The following RGL1 variants were observed in gnomAD, a reference collection of about 807,000 sequenced individuals.
RGL1 encodes the protein ral guanine nucleotide dissociation stimulator like 1, also known as ral guanine nucleotide dissociation stimulator-like 1.
Under a neutral mutation model 95.2 loss-of-function variants are expected in RGL1, and 24 were observed. The observed-to-expected ratio is 0.25, with a 90% CI of 0.18 to 0.35. The LOEUF (loss-of-function observed/expected upper bound fraction) is 0.35, where lower values mean the gene tolerates loss of function less well. RGL1 is among the 10% of genes least tolerant of loss of function. The pLI, the probability that RGL1 is intolerant of heterozygous loss-of-function variation, is 1.00. For missense variants in RGL1, 715 were observed against 936.3 expected (o/e 0.76, Z 3.08); for synonymous variants, 329 against 344.9 (o/e 0.95, Z 0.51).
chr1:183,677,679 C>T (rs1652924000), intron 1 of RGL1, among the ~76,000 whole-genome samples: 1 of 152,108 alleles, frequency 6.6e-6, no homozygotes, highest in African/African-American at 2.4e-5. Context: ...ATGTATTGAA[C>T]CTTTATTATG....
chr1:183,636,265 G>A (rs1045552286), exon 1 of RGL1: 5 of 398,780 alleles, frequency 1.3e-5, no homozygotes, highest in Non-Finnish European at 2.2e-5. Context: ...CAGTTGGTAG[G>A]AGTATGAGGC....
intron 1 of RGL1, among the ~76,000 whole-genome samples, chr1:183,711,571 G>C (rs759613003): frequency 1.7e-4 from 26 of 152,144 alleles, no homozygotes; most frequent in Non-Finnish European, 3.2e-4. Context: ...AGGTTGAATG[G>C]GGTACAAAGG....
intron 4 of RGL1, among the ~76,000 whole-genome samples, chr1:183,870,537 C>T (rs1005268233): frequency 1.1e-4 from 16 of 152,138 alleles, no homozygotes; most frequent in Non-Finnish European, 5.9e-5. Context: ...CTTCTGCTAT[C>T]TTGCTGACGC....
chr1:183,771,137 GC>G (rs1659251682), intron 2 of RGL1, among the ~76,000 whole-genome samples: 1 of 152,182 alleles, frequency 6.6e-6, no homozygotes, highest in Admixed American at 6.5e-5. Context: ...TTTCTAGAGT[GC>G]TTGGTCCTGT....
chr1:183,682,183 G>T (rs541366299), intron 1 of RGL1, among the ~76,000 whole-genome samples: 58 of 151,958 alleles, frequency 3.8e-4, no homozygotes, highest in African/African-American at 1.4e-3. Context: ...TTCTGCTCTG[G>T]TCTTAGTTAT....
chr1:183,817,489 C>G (rs1333217693), intron 2 of RGL1, among the ~76,000 whole-genome samples: 8 of 152,074 alleles, frequency 5.3e-5, no homozygotes, highest in Non-Finnish European at 2.9e-5. Context: ...AAAATAGATT[C>G]CAGGGTCTTT....
chr1:183,842,328 G>A (rs1046427701), intron 2 of RGL1, among the ~76,000 whole-genome samples: 2 of 86,182 alleles, frequency 2.3e-5, no homozygotes, highest in Non-Finnish European at 5.2e-5. Flanking sequence ...TTTGATTGAA[G>A]GGACTTTTTT....
Position 183,926,538 on chromosome 1 carries a change from C to T in RGL1, c.*246C>T. The T allele has an allele frequency of 3.3e-6, 1 of 307,582 alleles. No homozygotes were observed. The highest frequency in any genetic ancestry group is 9.8e-4 in the Middle Eastern group (1 of 1,020). 19.1% of individuals were successfully genotyped at this position (307,582 alleles called of 1,614,324 possible). On this transcript the variant is annotated 3_prime_UTR_variant, in exon 18 of 18. Coordinates refer to ENST00000360851, the MANE Select transcript of RGL1 (RefSeq NM_001297671.3). ...CATTTGAGACTAAAATGCAGAATTA[C>T]CAACATTTAAAACATATATATGCAC...
Position 183,926,449 on chromosome 1 carries a change from C to A in RGL1, c.*157C>A. 2 of 488,238 alleles carry A rather than the reference C, an allele frequency of 4.1e-6. No individual in the cohort carries two copies. Among genetic ancestry groups the A allele is most frequent in the Non-Finnish European group, 7.1e-6 (2 of 280,232 alleles). The allele number at this position is 488,238 out of a possible 1,614,324, so 30.2% of individuals were successfully genotyped here. A position where few individuals can be genotyped will look rare whatever the true frequency, so the allele number is the denominator to read the frequency against. ...GTGTGCAAAGCATTATGATAGGCAC[C>A]GTGGGGAAACTGGAAATGAATTTGA... is the stretch of plus-strand genomic sequence containing the variant. On this transcript the variant is annotated 3_prime_UTR_variant, in exon 18 of 18. Coordinates refer to ENST00000360851, the MANE Select transcript of RGL1 (RefSeq NM_001297671.3).
chr1:183,711,543 C>T (rs373838453), intron 1 of RGL1, among the ~76,000 whole-genome samples: 3 of 152,056 alleles, frequency 2.0e-5, no homozygotes, highest in Admixed American at 6.5e-5. Context: ...TCTTTCCAAC[C>T]GCCTCTTAAG....
intron 1 of RGL1, among the ~76,000 whole-genome samples, chr1:183,718,753 TA>T (rs529593542): frequency 2.1e-5 from 3 of 145,452 alleles, no homozygotes; most frequent in Non-Finnish European, 4.6e-5. Flanking sequence ...CCGTCTCTAC[TA>T]AAAAAAAAAC....
At chr1:183,752,385 C>T (rs772310487) in intron 2 of RGL1, among the ~76,000 whole-genome samples, 2 of 152,028 alleles carry the variant, frequency 1.3e-5, no homozygotes, top group Admixed American at 6.6e-5. Flanking sequence ...CGCCACCACG[C>T]CCAGCTAATT....
intron 1 of RGL1, among the ~76,000 whole-genome samples, chr1:183,655,361 T>C (rs528503539): frequency 2.1e-4 from 32 of 152,366 alleles, no homozygotes; most frequent in African/African-American, 7.7e-4. Context: ...GCTAAAATGT[T>C]AAAGTTTTAT....
intron 2 of RGL1, among the ~76,000 whole-genome samples, chr1:183,769,923 TA>T: frequency 6.6e-6 from 1 of 152,338 alleles, no homozygotes; most frequent in South Asian, 2.1e-4. Flanking sequence ...ACTTTTTCTT[TA>T]AACATCAAAA....
intron 2 of RGL1, among the ~76,000 whole-genome samples, chr1:183,763,469 A>G (rs1440559934): frequency 6.6e-6 from 1 of 152,204 alleles, no homozygotes; most frequent in East Asian, 1.9e-4. Flanking sequence ...ATATTTACAT[A>G]TTGTTGTCTC....
intron 1 of RGL1, among the ~76,000 whole-genome samples, chr1:183,678,388 G>C (rs541343142): frequency 6.6e-6 from 1 of 152,222 alleles, no homozygotes; most frequent in African/African-American, 2.4e-5. Context: ...AAGAGAACTT[G>C]AGTTTATATC....
intron 3 of RGL1, among the ~76,000 whole-genome samples, chr1:183,862,068 A>C (rs963544417): frequency 6.6e-6 from 1 of 152,196 alleles, no homozygotes; most frequent in South Asian, 2.1e-4. Context: ...ATGGCCTGGC[A>C]TGTTGGCTTA....
At chr1:183,641,557 C>T (rs369053372) in intron 1 of RGL1, among the ~76,000 whole-genome samples, 10,428 of 152,182 alleles carry the variant, frequency 0.069, 621 homozygotes, top group African/African-American at 0.16. Flanking sequence ...GGCATGAGCC[C>T]CCCCCACCAT....
In RGL1 at chr1:183,856,297, A is replaced by G. The variant is rs113850283; in HGVS notation, c.347+8523A>G. On this transcript the variant is annotated intron_variant, in intron 3 of 17. Coordinates refer to ENST00000360851, the MANE Select transcript of RGL1 (RefSeq NM_001297671.3). ...GGGTTACACACACATACACATACAC[A>G]CACATATATATAACAGAACATATAT... 1.7e-3 allele frequency among the ~76,000 whole-genome samples: 265 copies of G among 152,024 alleles called. 1 individual carries two copies. The highest frequency in any genetic ancestry group is 6.1e-3 in the African/African-American group (254 of 41,476).
Sources: allele counts gnomAD v4.1 joint callset (sites outside exome capture counted in the v4.1 genomes callset), GRCh38; gene constraint gnomAD v4.1.1; transcripts MANE v1.5; gene names NCBI Gene and HGNC (gene_info 2026-07-23, HGNC 2026-07-21).